Variants in IGF2BP3 observed in about 807,000 individuals in gnomAD.
IGF2BP3 encodes insulin-like growth factor 2 mRNA-binding protein 3.
IGF2BP3 carries 9 observed loss-of-function variants against 73.8 expected under a neutral mutation model. The ratio of observed to expected loss-of-function variants is 0.12; its 90% confidence interval spans 0.07 to 0.21. The LOEUF (loss-of-function observed/expected upper bound fraction) is 0.21. Ranked by LOEUF, IGF2BP3 falls within the 10% of genes least tolerant of loss-of-function variation. The pLI is 1.00. For synonymous variants in IGF2BP3, 258 were observed against 256.7 expected, an observed-to-expected ratio of 1.01 and a Z score of -0.05; for missense variants, 542 against 714.0, an observed-to-expected ratio of 0.76 and a Z score of 2.75.
intron 12 of IGF2BP3, among the ~76,000 whole-genome samples, chr7:23,314,810 T>C (rs533420373): frequency 1.3e-5 from 2 of 152,342 alleles, no homozygotes; most frequent in African/African-American, 2.4e-5. Flanking sequence ...CACTTTTTTC[T>C]TTTTTGAGAC....
chr7:23,374,118 G>C (rs182340140), intron 3 of IGF2BP3, among the ~76,000 whole-genome samples: 243 of 152,234 alleles, frequency 1.6e-3, no homozygotes, highest in Non-Finnish European at 2.7e-3. Flanking sequence ...TGCACTAACC[G>C]AGTATACGTC....
chr7:23,327,097 AAG>A (rs1307176718), intron 10 of IGF2BP3, among the ~76,000 whole-genome samples: 1 of 152,048 alleles, frequency 6.6e-6, no homozygotes, highest in Non-Finnish European at 1.5e-5. Flanking sequence ...TTAATTAAAA[AAG>A]AAGATATTTT....
intron 2 of IGF2BP3, among the ~76,000 whole-genome samples, chr7:23,442,019 C>A (rs1787948154): frequency 6.6e-6 from 1 of 151,846 alleles, no homozygotes; most frequent in South Asian, 2.1e-4. Context: ...CCCACCTACT[C>A]GGGAGGCTGA....
chr7:23,342,779 C>T (rs530608831), intron 9 of IGF2BP3, among the ~76,000 whole-genome samples: 95 of 152,160 alleles, frequency 6.2e-4, no homozygotes, highest in African/African-American at 2.2e-3. Context: ...GTAATGTAGA[C>T]GGTGGAAGGG....
At chr7:23,315,653 A>G (rs1269371972) in intron 12 of IGF2BP3, among the ~76,000 whole-genome samples, 1 of 152,196 alleles carries the variant, frequency 6.6e-6, no homozygotes, top group Non-Finnish European at 1.5e-5. Context: ...GATACCCTAT[A>G]TTCCAATGAT....
intron 3 of IGF2BP3, among the ~76,000 whole-genome samples, chr7:23,395,523 A>G (rs1024840545): frequency 1.3e-5 from 2 of 152,158 alleles, no homozygotes; most frequent in African/African-American, 4.8e-5. Context: ...GCACTTTGGG[A>G]GGCTGAGGTG....
chr7:23,455,253 G>T (rs1766694657), intron 2 of IGF2BP3, among the ~76,000 whole-genome samples: 1 of 152,110 alleles, frequency 6.6e-6, no homozygotes, highest in Non-Finnish European at 1.5e-5. Context: ...TGCCCTCTCC[G>T]CTCAGCCTCA....
intron 2 of IGF2BP3, among the ~76,000 whole-genome samples, chr7:23,422,029 T>A (rs1256789166): frequency 6.6e-6 from 1 of 152,070 alleles, no homozygotes; most frequent in Non-Finnish European, 1.5e-5. Flanking sequence ...TCCTTCTATC[T>A]TGACCTCCCC....
chr7:23,382,437 C>T lies in IGF2BP3; in HGVS notation c.286-20696G>A, dbSNP rs538467698. On this transcript the variant is annotated intron_variant, in intron 3 of 14. Coordinates refer to ENST00000258729, the MANE Select transcript of IGF2BP3 (RefSeq NM_006547.3). ...AAGTTTCCTAGGATTTCAACTGTATCGTAAGAGAAATATTCTCTCATTGTT... is the reference window on the plus strand; with the variant it reads ...AAGTTTCCTAGGATTTCAACTGTATTGTAAGAGAAATATTCTCTCATTGTT... Among the ~76,000 whole-genome samples, 8 of 151,686 alleles carry T rather than the reference C, an allele frequency of 5.3e-5. No individual in the cohort carries two copies. The South Asian group carries it at 1.7e-3, about 32-fold the overall frequency.
chr7:23,432,533 A>C (rs1787710302), intron 2 of IGF2BP3, among the ~76,000 whole-genome samples: 1 of 152,186 alleles, frequency 6.6e-6, no homozygotes, highest in Admixed American at 6.5e-5. Flanking sequence ...AAAACAAACA[A>C]ACAAAAAAAA....
chr7:23,363,317 G>C (rs10229956), intron 3 of IGF2BP3, among the ~76,000 whole-genome samples: 60,044 of 152,018 alleles, frequency 0.39, 12,065 homozygotes, highest in Middle Eastern at 0.52. Context: ...CACGACCATA[G>C]ATCACTGTAG....
In IGF2BP3 at chr7:23,457,160, G is replaced by A. The variant is rs530037719; in HGVS notation, c.236+11322C>T. Among the ~76,000 whole-genome samples, 43 of 152,074 alleles carry A rather than the reference G, an allele frequency of 2.8e-4. No individual in the cohort carries two copies. In the South Asian group the frequency reaches 8.3e-3, roughly 29 times the overall value. On this transcript the variant is annotated intron_variant, in intron 2 of 14. Transcript: ENST00000258729. ...AACAATTCCCAGTTTAAGAATTTAC[G>A]TTATAAAAATTCTCAACCAGGGGCT...
chr7:23,329,796 A>G (rs1225146098), intron 10 of IGF2BP3, among the ~76,000 whole-genome samples: 5 of 152,210 alleles, frequency 3.3e-5, no homozygotes. Flanking sequence ...TTTGTACCCC[A>G]CAACAGATCC....
chr7:23,354,509 T>C (rs1315123560), intron 5 of IGF2BP3, among the ~76,000 whole-genome samples: 1 of 152,204 alleles, frequency 6.6e-6, no homozygotes, highest in African/African-American at 2.4e-5. Context: ...GATAACTCTC[T>C]TCTTGAGTGA....
chr7:23,323,775 A>G (rs1241190536), intron 10 of IGF2BP3, among the ~76,000 whole-genome samples: 23 of 152,278 alleles, frequency 1.5e-4, no homozygotes, highest in African/African-American at 4.8e-4. Context: ...CTCACTCAAA[A>G]CTGCTCAACT....
At chr7:23,334,969 C>T (rs1784535353) in intron 10 of IGF2BP3, among the ~76,000 whole-genome samples, 1 of 150,074 alleles carries the variant, frequency 6.7e-6, no homozygotes, top group Non-Finnish European at 1.5e-5. Context: ...AAAATAGATA[C>T]TCCTGGGTTT....
chr7:23,368,709 C>T (rs1445542097), intron 3 of IGF2BP3, among the ~76,000 whole-genome samples: 2 of 151,964 alleles, frequency 1.3e-5, no homozygotes, highest in East Asian at 1.9e-4. Flanking sequence ...ACCAGCCTGA[C>T]CAACATGGAG....
At chr7:23,438,277 C>T (rs1399343760) in intron 2 of IGF2BP3, among the ~76,000 whole-genome samples, 1 of 152,164 alleles carries the variant, frequency 6.6e-6, no homozygotes, top group Non-Finnish European at 1.5e-5. Flanking sequence ...CCATGCCTGG[C>T]TAATTTTTGT....
intron 3 of IGF2BP3, among the ~76,000 whole-genome samples, chr7:23,366,665 T>C (rs906574498): frequency 3.3e-5 from 5 of 151,938 alleles, no homozygotes; most frequent in African/African-American, 7.3e-5. Flanking sequence ...CAACACAACT[T>C]AGGAGATTTT....
Sources: allele counts gnomAD v4.1 joint callset (sites outside exome capture counted in the v4.1 genomes callset), GRCh38; gene constraint gnomAD v4.1.1; transcripts MANE v1.5; gene names NCBI Gene and HGNC (gene_info 2026-07-23, HGNC 2026-07-21).